Variants in CBLN2 observed in about 807,000 individuals in gnomAD.
CBLN2 encodes cerebellin-2.
A neutral mutation model predicts 15.0 loss-of-function variants in CBLN2; 7 were observed. The observed-to-expected ratio is 0.47, with a 90% CI of 0.27 to 0.88. The LOEUF (loss-of-function observed/expected upper bound fraction) is 0.88. Ranked by LOEUF, CBLN2 falls within the 40% of genes least tolerant of loss-of-function variation. The pLI is 0.14. For missense variants in CBLN2, 242 were observed against 304.5 expected (o/e 0.79, Z 1.53); for synonymous variants, 149 against 135.2 (o/e 1.10, Z -0.71).
intron 1 of CBLN2, among the ~76,000 whole-genome samples, chr18:72,594,899 T>G (rs1208895123): frequency 6.6e-6 from 1 of 152,096 alleles, no homozygotes; most frequent in African/African-American, 2.4e-5. Context: ...CTGATTTTAT[T>G]TATTTGGGAC....
At chr18:72,617,685 C>A (rs1317902747) in intron 1 of CBLN2, among the ~76,000 whole-genome samples, 2 of 152,094 alleles carry the variant, frequency 1.3e-5, no homozygotes, top group African/African-American at 4.8e-5. Flanking sequence ...AGGAGTTGTA[C>A]CATATAGGAT....
chr18:72,598,932 A>G (rs2069530179), intron 1 of CBLN2, among the ~76,000 whole-genome samples: 1 of 152,218 alleles, frequency 6.6e-6, no homozygotes, highest in South Asian at 2.1e-4. Context: ...GGGGAATGAG[A>G]GAACGGTGTT....
intron 1 of CBLN2, among the ~76,000 whole-genome samples, chr18:72,550,469 G>A (rs917922600): frequency 1.3e-5 from 2 of 152,196 alleles, no homozygotes; most frequent in African/African-American, 4.8e-5. Context: ...TGGTGAGAGA[G>A]CTCAGTTTAA....
chr18:72,632,017 T>C (rs933994522), intron 1 of CBLN2, among the ~76,000 whole-genome samples: 5 of 152,112 alleles, frequency 3.3e-5, no homozygotes, highest in African/African-American at 1.2e-4. Context: ...TCCTCTTACC[T>C]CAATCCATTT....
intron 3 of CBLN2, among the ~76,000 whole-genome samples, chr18:72,541,123 G>A (rs752862823): frequency 7.2e-5 from 11 of 152,286 alleles, no homozygotes; most frequent in Non-Finnish European, 1.0e-4. Flanking sequence ...TTAAGGTGAC[G>A]TAAGTCACTG....
intron 1 of CBLN2, among the ~76,000 whole-genome samples, chr18:72,588,943 A>G (rs568913378): frequency 3.9e-5 from 6 of 152,352 alleles, no homozygotes; most frequent in South Asian, 2.1e-4. Flanking sequence ...GCAGAAGCAG[A>G]TCATGAAACG....
chr18:72,572,346 G>A (rs1290551855), intron 1 of CBLN2, among the ~76,000 whole-genome samples: 1 of 152,024 alleles, frequency 6.6e-6, no homozygotes, highest in African/African-American at 2.4e-5. Context: ...TTTCAGAACT[G>A]TGGCTTTGGC....
intron 1 of CBLN2, among the ~76,000 whole-genome samples, chr18:72,598,142 A>T (rs181220403): frequency 4.8e-4 from 73 of 152,288 alleles, no homozygotes; most frequent in African/African-American, 1.5e-3. Flanking sequence ...ATATCTTGGA[A>T]TGTGCTAGGT....
intron 1 of CBLN2, among the ~76,000 whole-genome samples, chr18:72,581,291 A>T (rs2069402305): frequency 6.6e-6 from 1 of 152,158 alleles, no homozygotes; most frequent in South Asian, 2.1e-4. Context: ...TATGCATCTT[A>T]AAATTAATCA....
chr18:72,537,686 G>A lies in CBLN2; in HGVS notation c.*490C>T, dbSNP rs1232952183. ...GGGGGGAAGAATACAGAATGAAAGT[G>A]AAGCCATTCTTTTTCTTAAGGCTAT... On this transcript the variant is annotated 3_prime_UTR_variant, in exon 5 of 5. Coordinates refer to ENST00000269503, the MANE Select transcript of CBLN2 (RefSeq NM_182511.4). 1 of 157,262 alleles carries A rather than the reference G, an allele frequency of 6.4e-6. No homozygotes were observed. Among genetic ancestry groups the A allele is most frequent in the Non-Finnish European group, 1.4e-5 (1 of 71,132 alleles). 9.7% of individuals were successfully genotyped at this position (157,262 alleles called of 1,614,324 possible). A position where few individuals can be genotyped will look rare whatever the true frequency, so the allele number is the denominator to read the frequency against.
At chr18:72,598,685 A>C (rs2069528417) in intron 1 of CBLN2, among the ~76,000 whole-genome samples, 1 of 152,158 alleles carries the variant, frequency 6.6e-6, no homozygotes, top group African/African-American at 2.4e-5. Context: ...CAGAACCCAG[A>C]GCATTTTAGC....
chr18:72,582,573 T>C (rs1355338546), intron 1 of CBLN2, among the ~76,000 whole-genome samples: 1 of 152,138 alleles, frequency 6.6e-6, no homozygotes, highest in Non-Finnish European at 1.5e-5. Context: ...TAGGAGAGAA[T>C]GCATGAGTTG....
chr18:72,630,633 C>G (rs1158323282), intron 1 of CBLN2, among the ~76,000 whole-genome samples: 1 of 148,810 alleles, frequency 6.7e-6, no homozygotes, highest in Non-Finnish European at 1.5e-5. Context: ...AGCTGTTTAA[C>G]TGACTTATAC....
chr18:72,591,964 G>A (rs749831751), intron 1 of CBLN2, among the ~76,000 whole-genome samples: 10 of 152,108 alleles, frequency 6.6e-5, no homozygotes, highest in East Asian at 1.9e-4. Flanking sequence ...AAACATAGGC[G>A]TATAGATATC....
chr18:72,623,914 T>TC, intron 1 of CBLN2, among the ~76,000 whole-genome samples: 1 of 152,300 alleles, frequency 6.6e-6, no homozygotes, highest in Middle Eastern at 3.4e-3. Flanking sequence ...CTTCTGCTTT[T>TC]TATTTCAGGA....
At chr18:72,565,565 A>G (rs904391767) in intron 1 of CBLN2, among the ~76,000 whole-genome samples, 4 of 152,206 alleles carry the variant, frequency 2.6e-5, no homozygotes, top group African/African-American at 7.2e-5. Context: ...TTAAGTTGTT[A>G]TCAACTTTAG....
At chr18:72,557,671 A>C (rs1302913323) in intron 1 of CBLN2, among the ~76,000 whole-genome samples, 1 of 152,168 alleles carries the variant, frequency 6.6e-6, no homozygotes, top group Admixed American at 6.5e-5. Flanking sequence ...ACCAAACACC[A>C]CATGTTCTCA....
chr18:72,560,646 A>G (rs1264631019), intron 1 of CBLN2, among the ~76,000 whole-genome samples: 1 of 152,192 alleles, frequency 6.6e-6, no homozygotes, highest in Non-Finnish European at 1.5e-5. Flanking sequence ...CTTTTATAGA[A>G]AAAGTTCGCT....
At chr18:72,560,081 C>T (rs2069250456) in intron 1 of CBLN2, among the ~76,000 whole-genome samples, 1 of 152,118 alleles carries the variant, frequency 6.6e-6, no homozygotes, top group African/African-American at 2.4e-5. Flanking sequence ...TCCTGAGCTC[C>T]CAATTTTTCA....
Sources: gnomAD v4.1 joint callset for allele counts (sites outside exome capture counted in the v4.1 genomes callset) on GRCh38, gnomAD v4.1.1 for gene constraint, MANE v1.5 for transcripts, NCBI Gene and HGNC (gene_info 2026-07-23, HGNC 2026-07-21) for gene names.